The following BTRC variants were observed in gnomAD, a reference collection of about 807,000 sequenced individuals.
The protein encoded by BTRC is F-box/WD repeat-containing protein 1A.
A neutral mutation model predicts 85.5 loss-of-function variants in BTRC; 42 were observed. The observed-to-expected ratio is 0.49, with a 90% CI of 0.38 to 0.64. The LOEUF is 0.64. Among genes scored for constraint, BTRC ranks in the 30% least tolerant of loss-of-function variants. The pLI is 0.00. For synonymous variants in BTRC, 255 were observed against 263.3 expected (o/e 0.97, Z 0.30); for missense variants, 594 against 743.5 (o/e 0.80, Z 2.34).
intron 1 of BTRC, among the ~76,000 whole-genome samples, chr10:101,376,190 G>A (rs1942786745): frequency 6.6e-6 from 1 of 152,214 alleles, no homozygotes; most frequent in Non-Finnish European, 1.5e-5. Context: ...GCCGCTCATG[G>A]TGGCCCAGGC....
chr10:101,448,756 T>C (rs994418261), intron 2 of BTRC, among the ~76,000 whole-genome samples: 4 of 152,046 alleles, frequency 2.6e-5, no homozygotes, highest in African/African-American at 4.8e-5. Flanking sequence ...ATAAGGAGTA[T>C]AATTAGTCTG....
At chr10:101,355,022 GA>G (rs1941993949) in intron 1 of BTRC, among the ~76,000 whole-genome samples, 1 of 152,194 alleles carries the variant, frequency 6.6e-6, no homozygotes, top group Non-Finnish European at 1.5e-5. Context: ...AGGACAAGGT[GA>G]TGAAAAGTAA....
intron 1 of BTRC, among the ~76,000 whole-genome samples, chr10:101,371,831 C>CT (rs879264305): frequency 3.7e-4 from 55 of 147,082 alleles, no homozygotes; most frequent in South Asian, 6.4e-4. Context: ...CGTCAGCATT[C>CT]TTTTTTTTTT....
At chr10:101,492,806 G>C (rs1946166974) in intron 4 of BTRC, among the ~76,000 whole-genome samples, 1 of 152,174 alleles carries the variant, frequency 6.6e-6, no homozygotes, top group South Asian at 2.1e-4. Flanking sequence ...TCCATTTGCA[G>C]TGATAGTTTT....
chr10:101,466,211 G>C (rs954033863), intron 3 of BTRC, among the ~76,000 whole-genome samples: 12 of 152,108 alleles, frequency 7.9e-5, no homozygotes, highest in African/African-American at 2.2e-4. Flanking sequence ...CATTTCCTTT[G>C]TGTATGTGTC....
intron 1 of BTRC, among the ~76,000 whole-genome samples, chr10:101,400,255 G>A (rs1165761553): frequency 6.6e-6 from 1 of 152,154 alleles, no homozygotes; most frequent in African/African-American, 2.4e-5. Context: ...TGTGATGTGC[G>A]GGAAATCAGA....
intron 1 of BTRC, among the ~76,000 whole-genome samples, chr10:101,419,167 T>C (rs1944030719): frequency 6.6e-6 from 1 of 152,068 alleles, no homozygotes; most frequent in African/African-American, 2.4e-5. Flanking sequence ...CACACCACCA[T>C]GCCTGGCTAA....
chr10:101,478,820 CAT>C (rs1002849722), intron 3 of BTRC, among the ~76,000 whole-genome samples: 22 of 147,398 alleles, frequency 1.5e-4, no homozygotes, highest in Non-Finnish European at 2.8e-4. Flanking sequence ...GAGAAAGAAA[CAT>C]GTCCTCTGTG....
chr10:101,396,889 G>A (rs756117836), intron 1 of BTRC, among the ~76,000 whole-genome samples: 6 of 150,416 alleles, frequency 4.0e-5, no homozygotes, highest in South Asian at 2.1e-4. Context: ...CGGAACCTCC[G>A]CCTCCCGGAT....
At chr10:101,410,877 G>A (rs551509663) in intron 1 of BTRC, among the ~76,000 whole-genome samples, 46 of 150,638 alleles carry the variant, frequency 3.1e-4, no homozygotes, top group Non-Finnish European at 5.8e-4. Context: ...ATTGTCATAC[G>A]TTTTGTTTTC....
chr10:101,504,376 C>T (rs1406612794), intron 4 of BTRC, among the ~76,000 whole-genome samples: 2 of 152,080 alleles, frequency 1.3e-5, no homozygotes, highest in African/African-American at 4.8e-5. Context: ...GTCCCTTTTG[C>T]ATTTGGTTAT....
Position 101,549,713 on chromosome 10 carries a change from C to CAAAA in BTRC, c.1657-966_1657-963dup, listed in dbSNP as rs755481178. On this transcript the variant is annotated intron_variant, in intron 13 of 14. Transcript: ENST00000370187. ...GGGGCGAAAGAGCGAGACTCTGTCT[C>CAAAA]AAAAAAAAAAAAAAAAAAAAAAAGA... Among the ~76,000 whole-genome samples, 86 of 42,730 alleles carry CAAAA rather than the reference C, an allele frequency of 2.0e-3. 15 individuals carry two copies. Among genetic ancestry groups the CAAAA allele is most frequent in the African/African-American group, 9.3e-3 (72 of 7,724 alleles). The allele number at this position is 42,730 out of a possible 152,430, so 28.0% of individuals were successfully genotyped here. A position where few individuals can be genotyped will look rare whatever the true frequency, so the allele number is the denominator to read the frequency against.
At chr10:101,451,599 G>A (rs1589485264) in intron 2 of BTRC, among the ~76,000 whole-genome samples, 1 of 152,228 alleles carries the variant, frequency 6.6e-6, no homozygotes, top group East Asian at 1.9e-4. Context: ...GCAAATTCTG[G>A]CTTGTGAGGT....
intron 1 of BTRC, among the ~76,000 whole-genome samples, chr10:101,404,986 A>G (rs1943584568): frequency 7.4e-6 from 1 of 135,442 alleles, no homozygotes; most frequent in Non-Finnish European, 1.6e-5. Context: ...TAACAGAGCT[A>G]GAATCCATCT....
rs71016330 is a variant in BTRC at position 101,509,243 on chromosome 10, ATTTTTTTTTTT to A, written c.325-12377_325-12367del. Among the ~76,000 whole-genome samples, 17 of 69,918 alleles carry A rather than the reference ATTTTTTTTTTT, an allele frequency of 2.4e-4. No individual in the cohort carries two copies. The East Asian group carries it at 3.3e-3, about 14-fold the overall frequency. The allele number at this position is 69,918 out of a possible 152,430, so 45.9% of individuals were successfully genotyped here. On this transcript the variant is annotated intron_variant, in intron 4 of 14. Transcript: ENST00000370187. ...TTCAAGCATGACAGTGGCAATGTGG[ATTTTTTTTTTT>A]TTTTTTTTTTTTTTTTTTGAGACAG...
chr10:101,361,032 C>G (rs915292002), intron 1 of BTRC, among the ~76,000 whole-genome samples: 4 of 152,104 alleles, frequency 2.6e-5, no homozygotes, highest in Admixed American at 2.6e-4. Flanking sequence ...TCTGGAACTC[C>G]TGGCCTCAAG....
chr10:101,541,809 G>A lies in BTRC; in HGVS notation c.1656+3438G>A, dbSNP rs186478981. 2.0e-3 allele frequency among the ~76,000 whole-genome samples: 304 copies of A among 152,196 alleles called. 1 individual carries two copies. Among genetic ancestry groups the A allele is most frequent in the African/African-American group, 7.1e-3 (293 of 41,528 alleles). On this transcript the variant is annotated intron_variant, in intron 13 of 14. Coordinates refer to ENST00000370187, the MANE Select transcript of BTRC (RefSeq NM_033637.4). ...GTTCATGAGGTATAATTCTTTTTAT[G>A]TGTTGTTGGATTCACCTTGCTAATA... is the stretch of plus-strand genomic sequence containing the variant.
rs951060082 is a variant in BTRC at position 101,550,946 on chromosome 10, G to C, written c.*31+55G>C. On this transcript the variant is annotated intron_variant, in intron 14 of 14. Coordinates refer to ENST00000370187, the MANE Select transcript of BTRC (RefSeq NM_033637.4). The stretch of plus-strand genomic sequence containing the variant: ...GTGGGTAGGAGACGGGATATTAGCT[G>C]TAAGGTGTTGCTAGTTCATGGAACT... The C allele has an allele frequency of 5.5e-6, 8 of 1,444,334 alleles. No individual in the cohort carries two copies. In the African/African-American group the frequency reaches 1.1e-4, roughly 20 times the overall value. The allele number at this position is 1,444,334 out of a possible 1,614,324, so 89.5% of individuals were successfully genotyped here. A position where few individuals can be genotyped will look rare whatever the true frequency, so the allele number is the denominator to read the frequency against.
At chr10:101,528,618 C>A (rs2062235354) in intron 6 of BTRC, among the ~76,000 whole-genome samples, 1 of 152,156 alleles carries the variant, frequency 6.6e-6, no homozygotes, top group Non-Finnish European at 1.5e-5. Flanking sequence ...GTGTCAACTT[C>A]CTCCATTATT....
Sources: allele counts gnomAD v4.1 joint callset (sites outside exome capture counted in the v4.1 genomes callset), GRCh38; gene constraint gnomAD v4.1.1; transcripts MANE v1.5; gene names NCBI Gene and HGNC (gene_info 2026-07-23, HGNC 2026-07-21).